The following CPQ variants were observed in gnomAD, a reference collection of about 807,000 sequenced individuals.
CPQ encodes carboxypeptidase Q.
In CPQ, 37 loss-of-function variants were observed where a neutral mutation model predicts 45.7. That is an observed-to-expected ratio of 0.81 (90% CI 0.62 to 1.07). The LOEUF is 1.07. Ranked by LOEUF, CPQ falls within the 50% of genes least tolerant of loss-of-function variation. The probability of loss-of-function intolerance (pLI) is 0.00; values close to 1 mark genes in which losing one functional copy is unlikely to be tolerated. For missense variants in CPQ, 537 were observed against 572.9 expected (o/e 0.94, Z 0.64); for synonymous variants, 186 against 205.8 (o/e 0.90, Z 0.82).
intron 4 of CPQ, among the ~76,000 whole-genome samples, chr8:96,894,423 T>C (rs1180237953): frequency 1.3e-5 from 2 of 151,966 alleles, no homozygotes; most frequent in African/African-American, 4.8e-5. Context: ...CAAATATGAG[T>C]AGGAACTTAT....
intron 1 of CPQ, among the ~76,000 whole-genome samples, chr8:96,717,057 ATATATATATATATATATATAC>A (rs1809688744): frequency 1.1e-5 from 1 of 90,266 alleles, no homozygotes; most frequent in Admixed American, 1.1e-4. Flanking sequence ...ATATATATAT[ATATATATATATATATATATAC>A]GTATATATAC....
chr8:96,813,000 T>C (rs534447169), intron 2 of CPQ, among the ~76,000 whole-genome samples: 1 of 152,250 alleles, frequency 6.6e-6, no homozygotes, highest in African/African-American at 2.4e-5. Flanking sequence ...CCTGTGGAGT[T>C]AGGTCAGAAG....
intron 7 of CPQ, among the ~76,000 whole-genome samples, chr8:97,099,369 G>C (rs111646714): frequency 5.3e-5 from 8 of 151,542 alleles, no homozygotes; most frequent in Non-Finnish European, 1.5e-5. Flanking sequence ...GACCTCAGGC[G>C]ATCCATCCAC....
intron 5 of CPQ, among the ~76,000 whole-genome samples, chr8:97,027,179 C>T (rs759808752): frequency 2.6e-5 from 4 of 151,968 alleles, no homozygotes; most frequent in Admixed American, 6.6e-5. Context: ...TGAAAGAAAC[C>T]GAAGATTGTT....
In CPQ at chr8:96,787,107, C is replaced by T. The variant is rs79296506; in HGVS notation, c.433+1777C>T. ...ATCAAACCATTGCCTACACCATGGT[C>T]ACAAACATTTACTACTACTACTGTA... On this transcript the variant is annotated intron_variant, in intron 2 of 7. Transcript: ENST00000220763. Among the ~76,000 whole-genome samples, 303 of 152,108 alleles carry T rather than the reference C, an allele frequency of 2.0e-3. 3 individuals carry two copies. Among genetic ancestry groups the T allele is most frequent in the Non-Finnish European group, 3.3e-3 (221 of 67,968 alleles).
intron 5 of CPQ, among the ~76,000 whole-genome samples, chr8:97,002,050 G>C (rs75639535): frequency 4.6e-5 from 7 of 152,010 alleles, no homozygotes; most frequent in South Asian, 2.1e-4. Context: ...TAGTTTATGC[G>C]CATAGAAGGT....
In CPQ at chr8:96,840,211, A is replaced by G. The variant is rs1811588238; in HGVS notation, c.641+5031A>G. ...AAATATCAAAGCAAGGTGGGACTGCATGATATATTTGGGTAAAACACAAGC... is the reference window on the plus strand; with the variant it reads ...AAATATCAAAGCAAGGTGGGACTGCGTGATATATTTGGGTAAAACACAAGC... On this transcript the variant is annotated intron_variant, in intron 3 of 7. Coordinates refer to ENST00000220763, the MANE Select transcript of CPQ (RefSeq NM_016134.4). 2.6e-5 allele frequency among the ~76,000 whole-genome samples: 4 copies of G among 152,206 alleles called. No individual in the cohort carries two copies. The South Asian group carries it at 6.2e-4, about 24-fold the overall frequency.
intron 5 of CPQ, among the ~76,000 whole-genome samples, chr8:97,022,882 C>T (rs573928140): frequency 3.3e-5 from 5 of 150,964 alleles, no homozygotes; most frequent in South Asian, 2.1e-4. Context: ...CCACTGGCTA[C>T]GTACCCAGTG....
chr8:96,885,153 A>AC (rs1384813373), intron 4 of CPQ, among the ~76,000 whole-genome samples: 2 of 152,214 alleles, frequency 1.3e-5, no homozygotes. Flanking sequence ...TTTGCAAGGA[A>AC]CTAAGGAACT....
intron 5 of CPQ, among the ~76,000 whole-genome samples, chr8:97,018,702 T>C (rs1010473024): frequency 6.6e-6 from 1 of 151,900 alleles, no homozygotes; most frequent in Non-Finnish European, 1.5e-5. Flanking sequence ...AATAAGAAAA[T>C]ATAAACAAAG....
At chr8:96,903,888 G>A (rs1280521113) in intron 4 of CPQ, among the ~76,000 whole-genome samples, 2 of 152,222 alleles carry the variant, frequency 1.3e-5, no homozygotes, top group African/African-American at 4.8e-5. Context: ...TGCTCCGAAA[G>A]CAACTTCTGG....
intron 6 of CPQ, among the ~76,000 whole-genome samples, chr8:97,045,616 A>G (rs1586512733): frequency 6.6e-6 from 1 of 152,152 alleles, no homozygotes; most frequent in South Asian, 2.1e-4. Context: ...AGCTGTTCCT[A>G]TTCAGCCATC....
chr8:96,930,387 G>A (rs1812957032), intron 4 of CPQ, among the ~76,000 whole-genome samples: 2 of 152,214 alleles, frequency 1.3e-5, no homozygotes, highest in African/African-American at 4.8e-5. Flanking sequence ...TCACTTGGTA[G>A]CTCCCCCAGT....
At chr8:96,793,559 C>A (rs1051860740) in intron 2 of CPQ, among the ~76,000 whole-genome samples, 1 of 152,182 alleles carries the variant, frequency 6.6e-6, no homozygotes, top group African/African-American at 2.4e-5. Flanking sequence ...CATAGTCAAA[C>A]TATATCATTC....
At chr8:97,010,996 T>C (rs1809476975) in intron 5 of CPQ, among the ~76,000 whole-genome samples, 1 of 152,214 alleles carries the variant, frequency 6.6e-6, no homozygotes, top group African/African-American at 2.4e-5. Flanking sequence ...TCTAAGTGGC[T>C]GCTAGGCTTT....
chr8:96,876,635 A>G (rs1467732518), intron 3 of CPQ, among the ~76,000 whole-genome samples: 1 of 152,140 alleles, frequency 6.6e-6, no homozygotes, highest in East Asian at 1.9e-4. Context: ...TTTTATCATA[A>G]AAAAGTGCTA....
At chr8:96,873,233 T>C (rs1812101072) in intron 3 of CPQ, among the ~76,000 whole-genome samples, 1 of 151,842 alleles carries the variant, frequency 6.6e-6, no homozygotes, top group African/African-American at 2.4e-5. Context: ...CTTGCCTCTC[T>C]TCTGCCATTT....
rs1809287899 is a variant in CPQ at position 96,690,147 on chromosome 8, T to C, written c.-35+44745T>C. On this transcript the variant is annotated intron_variant, in intron 1 of 7. Coordinates refer to ENST00000220763, the MANE Select transcript of CPQ (RefSeq NM_016134.4). ...GTATGTGCTTATTTTTTTGTTTATA[T>C]CATTATATTTGGTCACAATTTTTAT... Among the ~76,000 whole-genome samples the C allele has an allele frequency of 2.0e-5, 3 of 152,308 alleles. No homozygotes were observed. The South Asian group carries it at 6.2e-4, about 32-fold the overall frequency.
intron 1 of CPQ, among the ~76,000 whole-genome samples, chr8:96,712,534 G>A (rs1809620160): frequency 6.6e-6 from 1 of 152,144 alleles, no homozygotes; most frequent in Non-Finnish European, 1.5e-5. Context: ...CTTGACTTCT[G>A]TGCACCCGCA....
Sources: allele counts gnomAD v4.1 joint callset (sites outside exome capture counted in the v4.1 genomes callset), GRCh38; gene constraint gnomAD v4.1.1; transcripts MANE v1.5; gene names NCBI Gene and HGNC (gene_info 2026-07-23, HGNC 2026-07-21).